Variants in FAM135B observed in about 807,000 individuals in gnomAD.
FAM135B encodes the protein family with sequence similarity 135 member B.
In FAM135B, 43 loss-of-function variants were observed where a neutral mutation model predicts 127.7. The observed-to-expected ratio is 0.34, with a 90% CI of 0.26 to 0.43. The LOEUF is 0.43. Ranked by LOEUF, FAM135B falls within the 20% of genes least tolerant of loss-of-function variation. The pLI is 1.00. For synonymous variants in FAM135B, 670 were observed against 665.1 expected (o/e 1.01, Z -0.11); for missense variants, 1,558 against 1,725.6 (o/e 0.90, Z 1.72).
At chr8:138,408,361 C>T (rs1833656344) in intron 1 of FAM135B, among the ~76,000 whole-genome samples, 1 of 152,128 alleles carries the variant, frequency 6.6e-6, no homozygotes, top group Non-Finnish European at 1.5e-5. Context: ...GTACTTGTTC[C>T]TTCACCTTGC....
intron 1 of FAM135B, among the ~76,000 whole-genome samples, chr8:138,378,222 G>A (rs538235999): frequency 1.3e-5 from 2 of 152,284 alleles, no homozygotes; most frequent in East Asian, 1.9e-4. Flanking sequence ...TCACAACTGT[G>A]GTCCACAAGG....
intron 9 of FAM135B, among the ~76,000 whole-genome samples, chr8:138,185,804 G>A (rs955442628): frequency 6.6e-6 from 1 of 152,196 alleles, no homozygotes; most frequent in African/African-American, 2.4e-5. Flanking sequence ...CTCAGCATGT[G>A]TTGAACTTGT....
chr8:138,206,415 C>A (rs1384849504), intron 7 of FAM135B, among the ~76,000 whole-genome samples: 10 of 150,840 alleles, frequency 6.6e-5, no homozygotes, highest in East Asian at 2.0e-4. Context: ...CTATCGTCCC[C>A]TCCACCTACA....
chr8:138,395,766 C>G (rs1369242636), intron 1 of FAM135B, among the ~76,000 whole-genome samples: 1 of 152,216 alleles, frequency 6.6e-6, no homozygotes, highest in Non-Finnish European at 1.5e-5. Flanking sequence ...GTTTTGACAA[C>G]TTCTCCACTA....
chr8:138,320,494 C>T (rs1277755304), intron 2 of FAM135B, among the ~76,000 whole-genome samples: 1 of 152,228 alleles, frequency 6.6e-6, no homozygotes, highest in Non-Finnish European at 1.5e-5. Flanking sequence ...TCGCTCTGAT[C>T]ACTAATTTTC....
intron 7 of FAM135B, among the ~76,000 whole-genome samples, chr8:138,234,799 A>G (rs987206297): frequency 6.6e-6 from 1 of 152,176 alleles, no homozygotes; most frequent in Admixed American, 6.5e-5. Flanking sequence ...TTCTAGGTTC[A>G]CATCTTCAAG....
At chr8:138,443,171 G>A (rs761055197) in intron 1 of FAM135B, among the ~76,000 whole-genome samples, 38 of 152,098 alleles carry the variant, frequency 2.5e-4, no homozygotes, top group African/African-American at 6.5e-4. Flanking sequence ...TAAAAGCCTC[G>A]TTGCTCATCA....
chr8:138,282,427 T>C lies in FAM135B; in HGVS notation c.158-16585A>G, dbSNP rs201171173. Among the ~76,000 whole-genome samples, 7 of 152,326 alleles carry C rather than the reference T, an allele frequency of 4.6e-5. No homozygotes were observed. The East Asian group carries it at 1.2e-3, about 25-fold the overall frequency. ...TAGAAGAAAATGTTTACAAAAGGCA[T>C]ATTTGATAATGGAATGTTATCTACA... On this transcript the variant is annotated intron_variant, in intron 3 of 19. Coordinates refer to ENST00000395297, the MANE Select transcript of FAM135B (RefSeq NM_015912.4).
chr8:138,228,968 A>G (rs1042771827), intron 7 of FAM135B, among the ~76,000 whole-genome samples: 5 of 152,164 alleles, frequency 3.3e-5, no homozygotes, highest in Non-Finnish European at 7.3e-5. Flanking sequence ...TTCCAAACAG[A>G]GCACAGCCGC....
chr8:138,220,747 T>A (rs1478616082), intron 7 of FAM135B, among the ~76,000 whole-genome samples: 1 of 152,188 alleles, frequency 6.6e-6, no homozygotes, highest in Non-Finnish European at 1.5e-5. Flanking sequence ...CCTGTGTTCA[T>A]ATTGCCAGTG....
chr8:138,148,654 T>C lies in FAM135B; in HGVS notation c.3314A>G (p.Glu1105Gly). The C allele has an allele frequency of 1.2e-6, 2 of 1,608,130 alleles. No homozygotes were observed. Among genetic ancestry groups the C allele is most frequent in the Non-Finnish European group, 1.7e-6 (2 of 1,177,194 alleles). ...FYQAKEKFKK[E>G]LKIEGFLYSD... is the part of the protein sequence containing the mutation. ...GTACAGAAATCCTTCAATCTTCAGT[T>C]CTTTTTTAAATTTTTCTTTGGCCTG... The change falls in exon 14 of 20, where the codon GAA (glutamate) becomes GGA (glycine). Residue 1105 changes from glutamate (E) to glycine (G), a missense_variant. Transcript: ENST00000395297.
intron 3 of FAM135B, among the ~76,000 whole-genome samples, chr8:138,274,678 C>T (rs552096967): frequency 7.9e-5 from 12 of 152,074 alleles, no homozygotes; most frequent in Non-Finnish European, 1.6e-4. Flanking sequence ...GAGACGACCA[C>T]GCCCAGGGGA....
At chr8:138,142,278 T>TCTG (rs1349219425) in intron 16 of FAM135B, among the ~76,000 whole-genome samples, 20 of 142,474 alleles carry the variant, frequency 1.4e-4, no homozygotes, top group African/African-American at 4.9e-4. Context: ...GGCAACTCAT[T>TCTG]CTGCTTCTTC....
In FAM135B at chr8:138,145,965, C is replaced by A; in HGVS notation, c.3534G>T (p.Lys1178Asn). 1 of 1,572,782 alleles carries A rather than the reference C, an allele frequency of 6.4e-7. No homozygotes were observed. Residue 1178 changes from lysine (K) to asparagine (N), a missense_variant, in exon 15 of 20, where the codon AAG becomes AAT. Transcript: ENST00000395297. Reference sequence around the variant, plus strand: ...GATATTTGTATCATCATACCTGATTCTTTTCAGACATTAGGAAGTCCAGTT... The same window carrying A: ...GATATTTGTATCATCATACCTGATTATTTTCAGACATTAGGAAGTCCAGTT... The part of the protein sequence containing the change: ...GGKLDFLMSE[K>N]NQMDTFADFD...
At chr8:138,333,912 A>T (rs1828362701) in intron 2 of FAM135B, among the ~76,000 whole-genome samples, 1 of 152,056 alleles carries the variant, frequency 6.6e-6, no homozygotes, top group Admixed American at 6.6e-5. Flanking sequence ...CCTGACCTCC[A>T]TGTCTCTTTT....
At chr8:138,138,266 GC>G (rs1346138143) in intron 18 of FAM135B, among the ~76,000 whole-genome samples, 2 of 152,204 alleles carry the variant, frequency 1.3e-5, no homozygotes, top group Non-Finnish European at 2.9e-5. Flanking sequence ...AAGGAACTCA[GC>G]CAGGCTCACA....
At chr8:138,250,816 T>A (rs2130481998) in intron 6 of FAM135B, 25 bp downstream of exon 6, 1 of 1,611,458 alleles carries the variant, frequency 6.2e-7, no homozygotes. Context: ...CTCCCACATA[T>A]CAGGGCTGCC....
At chr8:138,221,578 T>C (rs762329523) in intron 7 of FAM135B, among the ~76,000 whole-genome samples, 1 of 152,166 alleles carries the variant, frequency 6.6e-6, no homozygotes, top group Non-Finnish European at 1.5e-5. Flanking sequence ...GAGTACTGAA[T>C]AGGAGAGCCA....
In FAM135B at chr8:138,197,653, G is replaced by A. The variant is rs773828685; in HGVS notation, c.686C>T (p.Thr229Ile). Reference sequence around the variant, plus strand: ...TGCGTGCTGCATGCAGTTCTCAGAGGTGATGTAGAAGCTTCCCTAAGGGGT... The same window carrying A: ...TGCGTGCTGCATGCAGTTCTCAGAGATGATGTAGAAGCTTCCCTAAGGGGT... ...PTSSEGSFYI[T>I]SENCMQHAHK... The change falls in exon 8 of 20, where the codon ACC becomes ATC. Residue 229 changes from threonine to isoleucine, a missense_variant. Physicochemically the swap from Thr to Ile is moderately conservative, Grantham distance 89. Coordinates refer to ENST00000395297, the MANE Select transcript of FAM135B (RefSeq NM_015912.4). The A allele has an allele frequency of 3.1e-6, 5 of 1,614,078 alleles. No homozygotes were observed. Among genetic ancestry groups the A allele is most frequent in the Non-Finnish European group, 4.2e-6 (5 of 1,179,926 alleles).
Sources: allele counts gnomAD v4.1 joint callset (sites outside exome capture counted in the v4.1 genomes callset), GRCh38; gene constraint gnomAD v4.1.1; transcripts MANE v1.5; gene names NCBI Gene and HGNC (gene_info 2026-07-23, HGNC 2026-07-21).